The following COLEC11 variants were observed in gnomAD, a reference collection of about 807,000 sequenced individuals.
The protein encoded by COLEC11 is collectin-11.
Under a neutral mutation model 27.3 loss-of-function variants are expected in COLEC11, and 20 were observed. The ratio of observed to expected loss-of-function variants is 0.73; its 90% CI spans 0.51 to 1.06. COLEC11 has a LOEUF of 1.06. Ranked by LOEUF, COLEC11 falls within the 50% of genes least tolerant of loss-of-function variation. COLEC11 has a pLI of 0.00. For synonymous variants in COLEC11, 163 were observed against 154.7 expected (o/e 1.05, Z -0.40); for missense variants, 310 against 383.0 (o/e 0.81, Z 1.59).
At chr2:3,639,298 CAT>C (rs1665674931) in intron 4 of COLEC11, among the ~76,000 whole-genome samples, 1 of 152,210 alleles carries the variant, frequency 6.6e-6, no homozygotes, top group Non-Finnish European at 1.5e-5. Flanking sequence ...ATACTTTTAC[CAT>C]GCGGTGTGTG....
chr2:3,622,133 C>T (rs929002025), intron 3 of COLEC11, among the ~76,000 whole-genome samples: 16 of 150,012 alleles, frequency 1.1e-4, no homozygotes, highest in East Asian at 3.9e-4. Flanking sequence ...TGTGCCACCG[C>T]GCTCCAGCCT....
At chr2:3,612,228 A>G (rs578132124) in intron 2 of COLEC11, among the ~76,000 whole-genome samples, 3 of 145,112 alleles carry the variant, frequency 2.1e-5, no homozygotes, top group East Asian at 3.9e-4. Flanking sequence ...ACACGCACAC[A>G]CATGCACCCA....
At chr2:3,608,726 A>G (rs1662932575) in intron 2 of COLEC11, among the ~76,000 whole-genome samples, 1 of 152,214 alleles carries the variant, frequency 6.6e-6, no homozygotes, top group Non-Finnish European at 1.5e-5. Flanking sequence ...AGTGCTTGAA[A>G]ACAGCCTTGG....
chr2:3,628,141 G>T (rs1316998458), intron 3 of COLEC11, among the ~76,000 whole-genome samples: 2 of 152,252 alleles, frequency 1.3e-5, no homozygotes, highest in East Asian at 1.9e-4. Context: ...ATCCACTGTT[G>T]GAAAAATATC....
intron 3 of COLEC11, 134 bp from the exon 4 acceptor site, chr2:3,637,399 T>A (rs965632363): frequency 2.7e-6 from 2 of 737,400 alleles, no homozygotes; most frequent in Middle Eastern, 3.3e-4. Context: ...GATGTAGAGC[T>A]GTCTTTCTTA....
intron 2 of COLEC11, among the ~76,000 whole-genome samples, chr2:3,611,217 C>CAAAGCCTGT (rs1558494196): frequency 3.3e-5 from 5 of 152,102 alleles, no homozygotes; most frequent in Admixed American, 2.6e-4. Context: ...ACAAAGCCTG[C>CAAAGCCTGT]ATTTCTTATT....
chr2:3,632,044 A>G (rs1271465032), intron 3 of COLEC11, among the ~76,000 whole-genome samples: 2 of 152,122 alleles, frequency 1.3e-5, no homozygotes, highest in African/African-American at 4.8e-5. Context: ...TCTGAGTGAA[A>G]TCCACGCCAT....
intron 3 of COLEC11, among the ~76,000 whole-genome samples, chr2:3,624,383 A>T (rs894401884): frequency 6.6e-6 from 1 of 152,114 alleles, no homozygotes; most frequent in Non-Finnish European, 1.5e-5. Flanking sequence ...AAATCTGCAG[A>T]GCAATTATTA....
intron 1 of COLEC11, chr2:3,601,850 C>T (rs1662252685): frequency 6.6e-6 from 1 of 152,182 alleles, no homozygotes; most frequent in Admixed American, 6.5e-5. Context: ...ATGGCAGTAA[C>T]CCTAGCCGTC....
At chr2:3,641,441 C>T (rs1370842402) in intron 5 of COLEC11, 5 of 1,277,770 alleles carry the variant, frequency 3.9e-6, no homozygotes, top group Admixed American at 4.7e-5. Flanking sequence ...AGGCAGGTGA[C>T]GGCGGGGCAA....
At chr2:3,634,657 A>G (rs17017776) in intron 3 of COLEC11, among the ~76,000 whole-genome samples, 3,852 of 152,092 alleles carry the variant, frequency 0.025, 145 homozygotes, top group African/African-American at 0.08. Context: ...ATGACTCAGA[A>G]CAGCAGGAAC....
chr2:3,605,310 G>GGGGGA (rs1558487940), intron 2 of COLEC11, among the ~76,000 whole-genome samples: 1 of 109,132 alleles, frequency 9.2e-6, no homozygotes, highest in Non-Finnish European at 1.9e-5. Flanking sequence ...AGGAGGGGGC[G>GGGGGA]GGGGAGTCAC....
chr2:3,617,753 G>A lies in COLEC11; in HGVS notation c.202+4371G>A, dbSNP rs1347592791. The A allele has an allele frequency of 9.6e-6, 11 of 1,141,820 alleles. No homozygotes were observed. In the African/African-American group the frequency reaches 1.3e-4, roughly 13 times the overall value. 70.7% of individuals were successfully genotyped at this position (1,141,820 alleles called of 1,614,324 possible). A position where few individuals can be genotyped will look rare whatever the true frequency, so the allele number is the denominator to read the frequency against. ...TCTGGTCTGCGCAGTGGCCACCACT[G>A]AGTTGTCGCTTTTGATTTTTTCAAG... On this transcript the variant is annotated intron_variant, in intron 3 of 6. Coordinates refer to ENST00000349077, the MANE Select transcript of COLEC11 (RefSeq NM_024027.5).
At chr2:3,604,537 A>C in intron 2 of COLEC11, 67 bp downstream of exon 2, 3 of 1,551,618 alleles carry the variant, frequency 1.9e-6, no homozygotes, top group Middle Eastern at 1.7e-4. Context: ...ACTCCCATGC[A>C]ACTGCGCAGT....
chr2:3,604,534 T>A (rs1303447633), intron 2 of COLEC11, 64 bp downstream of exon 2: 2 of 1,561,038 alleles, frequency 1.3e-6, no homozygotes, highest in African/African-American at 2.7e-5. Flanking sequence ...GAGACTCCCA[T>A]GCAACTGCGC....
chr2:3,621,799 A>T (rs114386346), intron 3 of COLEC11, among the ~76,000 whole-genome samples: 2,402 of 152,334 alleles, frequency 0.016, 76 homozygotes, highest in African/African-American at 0.051. Flanking sequence ...AACTTTGATC[A>T]CACACAAAAT....
intron 3 of COLEC11, among the ~76,000 whole-genome samples, chr2:3,628,313 C>T (rs925345120): frequency 1.3e-4 from 20 of 152,230 alleles, no homozygotes; most frequent in African/African-American, 3.1e-4. Flanking sequence ...CCATGCTGGG[C>T]GGGGGCTGTG....
At chr2:3,641,490 G>T in intron 5 of COLEC11, 1 of 1,175,248 alleles carries the variant, frequency 8.5e-7, no homozygotes, top group Non-Finnish European at 1.1e-6. Flanking sequence ...AGCTGCTATC[G>T]TCAGGCCTAG....
chr2:3,606,172 G>A (rs1662679467), intron 2 of COLEC11: 6 of 1,550,408 alleles, frequency 3.9e-6, no homozygotes, highest in Admixed American at 2.0e-5. Flanking sequence ...TTTTGGCTGT[G>A]GAGGTCACGT....
Sources: allele counts gnomAD v4.1 joint callset (sites outside exome capture counted in the v4.1 genomes callset), GRCh38; gene constraint gnomAD v4.1.1; transcripts MANE v1.5; gene names NCBI Gene and HGNC (gene_info 2026-07-23, HGNC 2026-07-21).